The following SYCP1 variants were observed in gnomAD, a reference collection of about 807,000 sequenced individuals.
SYCP1 encodes the protein synaptonemal complex protein 1.
A neutral mutation model predicts 153.1 loss-of-function variants in SYCP1; 64 were observed. The ratio of observed to expected loss-of-function variants is 0.42; its 90% CI spans 0.34 to 0.51. The LOEUF is 0.51. SYCP1 is among the 20% of genes least tolerant of loss of function. SYCP1 has a pLI of 0.06. For synonymous variants in SYCP1, 384 were observed against 341.8 expected (o/e 1.12, Z -1.36); for missense variants, 997 against 1,049.0 (o/e 0.95, Z 0.68).
rs189964976 is a variant in SYCP1, at chr1:114,987,619, T to C, written c.2703+2751T>C. Among the ~76,000 whole-genome samples, 158 of 152,122 alleles carry C rather than the reference T, an allele frequency of 1.0e-3. 2 individuals carry two copies. Among genetic ancestry groups the C allele is most frequent in the African/African-American group, 3.7e-3 (153 of 41,542 alleles). ...GTTCAAAGTTATAGTCAGCTATGAT[T>C]ATGTCACTACACTCCAGCCTAGGTG... On this transcript the variant is annotated intron_variant, in intron 30 of 31. Coordinates refer to ENST00000369522, the MANE Select transcript of SYCP1 (RefSeq NM_003176.4).
intron 20 of SYCP1, among the ~76,000 whole-genome samples, chr1:114,919,443 G>T (rs2101708870): frequency 6.6e-6 from 1 of 152,108 alleles, no homozygotes; most frequent in Non-Finnish European, 1.5e-5. Flanking sequence ...ATGTTCATCA[G>T]GGATATTGGC....
At chr1:114,876,001 TA>T in intron 9 of SYCP1, 67 bp from the exon 10 acceptor site, 1 of 1,062,212 alleles carries the variant, frequency 9.4e-7, no homozygotes, top group Non-Finnish European at 1.3e-6. Flanking sequence ...AATTTGGTAA[TA>T]TTTTCATAGT....
intron 3 of SYCP1, 61 bp downstream of exon 3, chr1:114,856,718 T>C (rs1291607249): frequency 6.6e-6 from 8 of 1,215,880 alleles, no homozygotes; most frequent in Non-Finnish European, 9.4e-6. Flanking sequence ...CATACATCGA[T>C]AGTTATTGAA....
At chr1:114,866,441 G>A (rs79015520) in intron 8 of SYCP1, among the ~76,000 whole-genome samples, 7,303 of 152,070 alleles carry the variant, frequency 0.048, 218 homozygotes, top group African/African-American at 0.064. Context: ...CATATGATGG[G>A]AATCTTTTCA....
chr1:114,886,007 A>G, intron 13 of SYCP1, 118 bp from the exon 14 acceptor site: 1 of 623,518 alleles, frequency 1.6e-6, no homozygotes, highest in South Asian at 2.8e-5. Flanking sequence ...GGAAGGAGGA[A>G]TAATAGGAAA....
chr1:114,863,335 C>T (rs1409723554), intron 8 of SYCP1, among the ~76,000 whole-genome samples: 2 of 152,056 alleles, frequency 1.3e-5, no homozygotes, highest in East Asian at 1.9e-4. Flanking sequence ...AGGCAGATCA[C>T]GAGGTCAAGA....
chr1:114,985,625 C>A (rs559707095), intron 30 of SYCP1, among the ~76,000 whole-genome samples: 4 of 151,704 alleles, frequency 2.6e-5, no homozygotes, highest in Non-Finnish European at 4.4e-5. Flanking sequence ...TACTTTGGGA[C>A]CTTCTATTTT....
chr1:114,976,889 A>C (rs1380118179), intron 27 of SYCP1, among the ~76,000 whole-genome samples: 1 of 151,710 alleles, frequency 6.6e-6, no homozygotes, highest in Non-Finnish European at 1.5e-5. Flanking sequence ...ACTGCCTAAA[A>C]TTCTGCACAC....
At position 114,911,518 on chromosome 1, in the gene SYCP1, A is replaced by G; in HGVS notation, c.1465A>G (p.Thr489Ala). 1.3e-6 allele frequency: 2 copies of G among 1,561,708 alleles called. No homozygotes were observed. The highest frequency in any genetic ancestry group is 1.7e-6 in the Non-Finnish European group (2 of 1,158,958). The change falls in exon 18 of 32, where the codon ACC becomes GCC. Residue 489 changes from threonine to alanine, a missense_variant. Coordinates refer to ENST00000369522, the MANE Select transcript of SYCP1 (RefSeq NM_003176.4). ...HDLEIQLTAI[T>A]TSEQYYSKEV... ...TTTGGAAATACAGTTAACTGCCATT[A>G]CCACAAGTGAACAGTATTATTCAAA...
chr1:114,857,165 A>AGAG, intron 3 of SYCP1, 67 bp from the exon 4 acceptor site: 1 of 1,146,130 alleles, frequency 8.7e-7, no homozygotes, highest in Non-Finnish European at 1.2e-6. Flanking sequence ...AAAGAGAAAA[A>AGAG]AGAAAAAAAA....
rs564556796 is a variant in SYCP1, at chr1:114,876,228, C to T, written c.727+90C>T. On this transcript the variant is annotated intron_variant, in intron 10 of 31. Coordinates refer to ENST00000369522, the MANE Select transcript of SYCP1 (RefSeq NM_003176.4). Reference sequence around the variant, plus strand: ...CCGTTAATGTCTTCATCTCTTTAGCCTGATGCTCTGAACTATTTTCTATTT... The same window carrying T: ...CCGTTAATGTCTTCATCTCTTTAGCTTGATGCTCTGAACTATTTTCTATTT... 2.6e-5 allele frequency: 20 copies of T among 761,370 alleles called. No individual in the cohort carries two copies. The South Asian group carries it at 6.7e-4, about 26-fold the overall frequency. 47.2% of individuals were successfully genotyped at this position (761,370 alleles called of 1,614,324 possible).
intron 30 of SYCP1, 137 bp downstream of exon 30, chr1:114,985,005 T>C: frequency 2.6e-6 from 1 of 384,384 alleles, no homozygotes; most frequent in Non-Finnish European, 4.2e-6. Context: ...TCTGCTAAAA[T>C]GCAGATCCTT....
In SYCP1 at chr1:114,995,107, C is replaced by T; in HGVS notation, c.*88C>T. On this transcript the variant is annotated 3_prime_UTR_variant, in exon 32 of 32. Transcript: ENST00000369522. ...CTTATTTGCCAGAGCCAAATTTTAT[C>T]TGGAAGTTGAGACTTAAAAAATACT... 1 of 1,322,018 alleles carries T rather than the reference C, an allele frequency of 7.6e-7. No homozygotes were observed. The highest frequency in any genetic ancestry group is 2.5e-5 in the East Asian group (1 of 40,504). The allele number at this position is 1,322,018 out of a possible 1,614,324, so 81.9% of individuals were successfully genotyped here. A position where few individuals can be genotyped will look rare whatever the true frequency, so the allele number is the denominator to read the frequency against.
intron 20 of SYCP1, among the ~76,000 whole-genome samples, chr1:114,916,975 T>G (rs1024400600): frequency 5.3e-5 from 8 of 152,100 alleles, no homozygotes; most frequent in African/African-American, 1.9e-4. Context: ...TGCATCACTT[T>G]AAGCATTTAT....
intron 27 of SYCP1, among the ~76,000 whole-genome samples, chr1:114,951,392 A>G (rs894574813): frequency 4.6e-5 from 7 of 152,250 alleles, no homozygotes; most frequent in Admixed American, 4.6e-4. Context: ...TATACATATT[A>G]TATTTGAATT....
intron 23 of SYCP1, among the ~76,000 whole-genome samples, chr1:114,938,190 A>G (rs550948019): frequency 1.3e-5 from 2 of 152,328 alleles, no homozygotes; most frequent in South Asian, 4.1e-4. Flanking sequence ...AATGTGGCAC[A>G]TATACACCAT....
intron 27 of SYCP1, among the ~76,000 whole-genome samples, chr1:114,964,170 T>C (rs566075504): frequency 2.1e-4 from 32 of 152,354 alleles, no homozygotes; most frequent in African/African-American, 7.0e-4. Context: ...AAAAATGTCT[T>C]CTTTTGAGAA....
chr1:114,952,123 T>G (rs1354332374), intron 27 of SYCP1, among the ~76,000 whole-genome samples: 1 of 152,172 alleles, frequency 6.6e-6, no homozygotes, highest in Non-Finnish European at 1.5e-5. Context: ...GTTATGAACA[T>G]CTGTGTACAG....
intron 16 of SYCP1, among the ~76,000 whole-genome samples, chr1:114,902,012 T>C (rs1477752515): frequency 6.7e-6 from 1 of 150,240 alleles, no homozygotes; most frequent in Admixed American, 6.6e-5. Flanking sequence ...CTGGACTCCT[T>C]GGCTGGGGGA....
Sources: gnomAD v4.1 joint callset for allele counts (sites outside exome capture counted in the v4.1 genomes callset) on GRCh38, gnomAD v4.1.1 for gene constraint, MANE v1.5 for transcripts, NCBI Gene and HGNC (gene_info 2026-07-23, HGNC 2026-07-21) for gene names.